The following SYNJ2BP variants were observed in gnomAD, a reference collection of about 807,000 sequenced individuals.
SYNJ2BP encodes synaptojanin 2 binding protein.
SYNJ2BP carries 10 observed loss-of-function variants against 16.9 expected under a neutral mutation model. The observed-to-expected ratio is 0.59, with a 90% CI of 0.36 to 1.00. The LOEUF (loss-of-function observed/expected upper bound fraction) is 1.00, where lower values mean the gene tolerates loss of function less well. Ranked by LOEUF, SYNJ2BP falls within the 50% of genes least tolerant of loss-of-function variation. The pLI, the probability that SYNJ2BP is intolerant of heterozygous loss-of-function variation, is 0.01. For synonymous variants in SYNJ2BP, 54 were observed against 68.4 expected (o/e 0.79, Z 1.04); for missense variants, 162 against 186.7 (o/e 0.87, Z 0.77).
chr14:70,384,710 A>ACT (rs199872125), intron 2 of SYNJ2BP, among the ~76,000 whole-genome samples: 4,202 of 151,296 alleles, frequency 0.028, 180 homozygotes, highest in African/African-American at 0.096. Context: ...ACTTCCCCCT[A>ACT]CTCTCTCTCT....
intron 1 of SYNJ2BP, among the ~76,000 whole-genome samples, chr14:70,405,350 A>C (rs10146632): frequency 0.065 from 9,956 of 152,112 alleles, 557 homozygotes; most frequent in African/African-American, 0.15. Flanking sequence ...TCAAAAAGGA[A>C]GTATAGGACA....
intron 1 of SYNJ2BP, among the ~76,000 whole-genome samples, chr14:70,393,194 C>T (rs746942395): frequency 6.6e-6 from 1 of 152,118 alleles, no homozygotes; most frequent in African/African-American, 2.4e-5. Context: ...ATACGGCCAA[C>T]AACATATAAA....
intron 1 of SYNJ2BP, among the ~76,000 whole-genome samples, chr14:70,409,346 G>C (rs1361159888): frequency 6.6e-6 from 1 of 152,156 alleles, no homozygotes; most frequent in African/African-American, 2.4e-5. Context: ...TTACTTTTCA[G>C]TCTTCTGAAA....
rs905300534 is a variant in SYNJ2BP at position 70,368,066 on chromosome 14, G to C, written c.*4925C>G. 6.6e-6 allele frequency: 1 copy of C among 151,250 alleles called. No individual in the cohort carries two copies. The highest frequency in any genetic ancestry group is 1.5e-5 in the Non-Finnish European group (1 of 67,872). 9.4% of individuals were successfully genotyped at this position (151,250 alleles called of 1,614,324 possible). On this transcript the variant is annotated 3_prime_UTR_variant, in exon 4 of 4. Transcript: ENST00000256366. ...ATGAACTTCACTTCCCCACATACCT[G>C]ACAGCCTATACACTTCCTTATGTTT...
At chr14:70,396,582 A>ATGTATG (rs1555348748) in intron 1 of SYNJ2BP, among the ~76,000 whole-genome samples, 29 of 150,260 alleles carry the variant, frequency 1.9e-4, no homozygotes, top group Non-Finnish European at 3.1e-4. Flanking sequence ...GTGTGTATGT[A>ATGTATG]TGTATGTATG....
chr14:70,384,594 A>G (rs6573959), intron 2 of SYNJ2BP, among the ~76,000 whole-genome samples: 132,913 of 152,068 alleles, frequency 0.87, 58,150 homozygotes, highest in East Asian at 0.93. Context: ...TGTCATGGGA[A>G]GGACCTGGTG....
Position 70,372,914 on chromosome 14 carries a change from A to G in SYNJ2BP, c.*77T>C. ...AAATCTGGCTATGCAGAGAGAGGGAAAGACATGGCAGAATAGCAGGGGTGG... is the reference window on the plus strand; with the variant it reads ...AAATCTGGCTATGCAGAGAGAGGGAGAGACATGGCAGAATAGCAGGGGTGG... On this transcript the variant is annotated 3_prime_UTR_variant, in exon 4 of 4. Transcript: ENST00000256366. 6.3e-7 allele frequency: 1 copy of G among 1,580,654 alleles called. No individual in the cohort carries two copies. Among genetic ancestry groups the G allele is most frequent in the East Asian group, 2.2e-5 (1 of 44,728 alleles).
At chr14:70,413,624 T>A (rs993781873) in intron 1 of SYNJ2BP, among the ~76,000 whole-genome samples, 1 of 152,120 alleles carries the variant, frequency 6.6e-6, no homozygotes, top group Non-Finnish European at 1.5e-5. Context: ...GGTGACAGAG[T>A]GAGACGCGTC....
chr14:70,402,459 C>T (rs917982917), intron 1 of SYNJ2BP, among the ~76,000 whole-genome samples: 11 of 152,180 alleles, frequency 7.2e-5, no homozygotes, highest in South Asian at 6.2e-4. Flanking sequence ...CCAAGATTCA[C>T]GTAAAAGTGG....
Position 70,388,582 on chromosome 14 carries a change from C to A in SYNJ2BP, c.89G>T (p.Gly30Val). 1.3e-6 allele frequency: 2 copies of A among 1,550,772 alleles called. No individual in the cohort carries two copies. Among genetic ancestry groups the A allele is most frequent in the South Asian group, 2.5e-5 (2 of 80,970 alleles). ...GTTGGAGACATACTGCTGATCTGTC[C>A]CACCGACGATGTTGAAGCCCAGCCC... ...PSGLGFNIVGGTDQQYVSNDS... is the reference protein window; with the variant it reads ...PSGLGFNIVGVTDQQYVSNDS... The change falls in exon 2 of 4, where the codon GGG becomes GTG. Residue 30 changes from glycine to valine, a missense_variant. Transcript: ENST00000256366.
At chr14:70,416,515 G>C (rs1888613264) in intron 1 of SYNJ2BP, among the ~76,000 whole-genome samples, 1 of 151,954 alleles carries the variant, frequency 6.6e-6, no homozygotes. Flanking sequence ...AGTCCACACC[G>C]TTTATGCTCC....
intron 1 of SYNJ2BP, among the ~76,000 whole-genome samples, chr14:70,401,302 G>C (rs1888229945): frequency 6.6e-6 from 1 of 152,146 alleles, no homozygotes; most frequent in South Asian, 2.1e-4. Flanking sequence ...TCAGAAGTCA[G>C]CTTACTTAGG....
intron 1 of SYNJ2BP, among the ~76,000 whole-genome samples, chr14:70,416,287 G>T (rs1356300029): frequency 6.7e-6 from 1 of 150,170 alleles, no homozygotes; most frequent in Non-Finnish European, 1.5e-5. Flanking sequence ...AATCCCTGCA[G>T]ATGGGAGATA....
rs1208634609 is a variant in SYNJ2BP, at chr14:70,372,964, T to G, written c.*27A>C. On this transcript the variant is annotated 3_prime_UTR_variant, in exon 4 of 4. Transcript: ENST00000256366. ...GAGGGTGAGTGAAATGTATCTTCAT[T>G]GGGAGTATTGAAAGAGAGCAAGTTT... The G allele has an allele frequency of 6.2e-7, 1 of 1,613,098 alleles. No homozygotes were observed. Among genetic ancestry groups the G allele is most frequent in the Admixed American group, 1.7e-5 (1 of 59,988 alleles).
At chr14:70,408,108 T>C (rs1304443467) in intron 1 of SYNJ2BP, among the ~76,000 whole-genome samples, 20 of 152,040 alleles carry the variant, frequency 1.3e-4, no homozygotes, top group Admixed American at 1.3e-3. Flanking sequence ...ACAGGTTTTT[T>C]TTTTTTTTGG....
At chr14:70,389,377 T>C (rs961019995) in intron 1 of SYNJ2BP, among the ~76,000 whole-genome samples, 1 of 102,140 alleles carries the variant, frequency 9.8e-6, no homozygotes, top group Non-Finnish European at 2.4e-5. Context: ...GAGTTTCTTT[T>C]TTTTTTTTTT....
chr14:70,389,926 T>C (rs936674840), intron 1 of SYNJ2BP, among the ~76,000 whole-genome samples: 1 of 152,248 alleles, frequency 6.6e-6, no homozygotes, highest in Non-Finnish European at 1.5e-5. Flanking sequence ...ATTTTAGTTA[T>C]GCAAGATGAA....
At chr14:70,399,008 C>T (rs1888170098) in intron 1 of SYNJ2BP, among the ~76,000 whole-genome samples, 1 of 152,166 alleles carries the variant, frequency 6.6e-6, no homozygotes, top group Admixed American at 6.5e-5. Context: ...TCGGAAGTCA[C>T]CCAGATGCAG....
intron 1 of SYNJ2BP, among the ~76,000 whole-genome samples, chr14:70,396,605 T>C (rs989645563): frequency 1.3e-5 from 2 of 151,410 alleles, no homozygotes; most frequent in African/African-American, 4.8e-5. Context: ...TGTATATGTA[T>C]GTATATATAT....
Sources: gnomAD v4.1 joint callset for allele counts (sites outside exome capture counted in the v4.1 genomes callset) on GRCh38, gnomAD v4.1.1 for gene constraint, MANE v1.5 for transcripts, NCBI Gene and HGNC (gene_info 2026-07-23, HGNC 2026-07-21) for gene names.